Variants in DYNC2H1 observed in about 807,000 individuals in gnomAD.
DYNC2H1 encodes cytoplasmic dynein 2 heavy chain 1.
Under a neutral mutation model 570.0 loss-of-function variants are expected in DYNC2H1, and 410 were observed. The observed-to-expected ratio is 0.72, with a 90% CI of 0.66 to 0.78. The LOEUF (loss-of-function observed/expected upper bound fraction) is 0.78. Ranked by LOEUF, DYNC2H1 falls within the 30% of genes least tolerant of loss-of-function variation. The pLI, the probability that DYNC2H1 is intolerant of heterozygous loss-of-function variation, is 0.00. For synonymous variants in DYNC2H1, 1,688 were observed against 1,677.6 expected, an observed-to-expected ratio of 1.01 and a Z score of -0.15; for missense variants, 4,865 against 5,046.4, an observed-to-expected ratio of 0.96 and a Z score of 1.09.
chr11:103,155,545 T>A (rs1003940245), intron 25 of DYNC2H1, 44 bp downstream of exon 25: 14 of 1,556,374 alleles, frequency 9.0e-6, no homozygotes, highest in South Asian at 3.7e-5. Flanking sequence ...TGGCCTTTTT[T>A]AATATACAAT....
intron 3 of DYNC2H1, 49 bp from the exon 4 acceptor site, chr11:103,115,128 T>C (rs1031416929): frequency 2.9e-6 from 4 of 1,387,094 alleles, no homozygotes; most frequent in Non-Finnish European, 4.0e-6. Context: ...TATTCATTTT[T>C]TTTTCTCTGA....
chr11:103,343,296 C>A (rs558874016), intron 82 of DYNC2H1, among the ~76,000 whole-genome samples: 2 of 152,198 alleles, frequency 1.3e-5, no homozygotes, highest in African/African-American at 4.8e-5. Context: ...ACCCTTGCCT[C>A]ATGGGTCCTA....
At chr11:103,253,195 T>C in intron 65 of DYNC2H1, 90 bp from the exon 66 acceptor site, 1 of 1,335,806 alleles carries the variant, frequency 7.5e-7, no homozygotes, top group East Asian at 2.5e-5. Flanking sequence ...AAAGCCTATA[T>C]TTAGAAGTAC....
At chr11:103,237,160 A>T (rs988369584) in intron 63 of DYNC2H1, among the ~76,000 whole-genome samples, 1 of 151,976 alleles carries the variant, frequency 6.6e-6, no homozygotes, top group African/African-American at 2.4e-5. Context: ...TGGAAATTGG[A>T]AGATGATTTT....
Position 103,369,340 on chromosome 11 carries a change from G to A in DYNC2H1, c.12156+10981G>A, listed in dbSNP as rs2514403. 1.3e-5 allele frequency among the ~76,000 whole-genome samples: 2 copies of A among 152,094 alleles called. No homozygotes were observed. The highest frequency in any genetic ancestry group is 3.9e-4 in the East Asian group (2 of 5,152). On this transcript the variant is annotated intron_variant, in intron 83 of 88. Transcript: ENST00000375735. This position sits in a 1 kb window ranked among gnomAD's most constrained non-coding sequence, Gnocchi z 4.0. ...TCTTGCAAGCCTCACCAAAGCAGGCGGAAGTACTCTGGGGCTCTAAATAAT... is the reference window on the plus strand; with the variant it reads ...TCTTGCAAGCCTCACCAAAGCAGGCAGAAGTACTCTGGGGCTCTAAATAAT...
intron 80 of DYNC2H1, among the ~76,000 whole-genome samples, chr11:103,318,659 G>T (rs576193654): frequency 6.6e-6 from 1 of 152,124 alleles, no homozygotes; most frequent in African/African-American, 2.4e-5. Context: ...CTAGGCCACA[G>T]GTTATGCATT....
At chr11:103,135,429 G>T in intron 15 of DYNC2H1, 66 bp from the exon 16 acceptor site, 1 of 1,340,136 alleles carries the variant, frequency 7.5e-7, no homozygotes, top group South Asian at 2.1e-5. Context: ...TGACATGAAA[G>T]TATTAAATGA....
In DYNC2H1 at chr11:103,128,979, G is replaced by T. The variant is rs892042677; in HGVS notation, c.1927G>T (p.Ala643Ser). The T allele has an allele frequency of 6.2e-7, 1 of 1,604,976 alleles. No individual in the cohort carries two copies. Among genetic ancestry groups the T allele is most frequent in the East Asian group, 2.2e-5 (1 of 44,460 alleles). ...TCAGAGGCCAATGATGTTACAATCT[G>T]CCTTAGCATTTGAACAGATAATTAA... ...QSQRPMMLQS[A>S]LAFEQIIKNS... Residue 643 changes from alanine (A) to serine (S), a missense_variant, in exon 13 of 89, where the codon GCC becomes TCC. Physicochemically the swap from Ala to Ser is moderately conservative, Grantham distance 99. This residue lies in a region of DYNC2H1 where 1,936 missense variants were observed against 1,962.1 expected (regional missense o/e 0.99). Coordinates refer to ENST00000375735, the MANE Select transcript of DYNC2H1 (RefSeq NM_001377.3).
chr11:103,361,797 G>A lies in DYNC2H1; in HGVS notation c.12156+3438G>A, dbSNP rs144924985. ...AAACAAACAAACAAAAACAAAAAAC[G>A]AAAAAAGAACTGAAGACTGTGTTAC... On this transcript the variant is annotated intron_variant, in intron 83 of 88. Transcript: ENST00000375735. 3.8e-3 allele frequency among the ~76,000 whole-genome samples: 578 copies of A among 152,062 alleles called. 4 individuals are homozygous for A. The highest frequency in any genetic ancestry group is 0.013 in the African/African-American group (554 of 41,492).
At chr11:103,173,851 G>T (rs954635279) in intron 35 of DYNC2H1, among the ~76,000 whole-genome samples, 2 of 152,090 alleles carry the variant, frequency 1.3e-5, no homozygotes, top group East Asian at 1.9e-4. Flanking sequence ...GTTCATAAAA[G>T]CTTTATCCTA....
chr11:103,177,870 T>C lies in DYNC2H1; in HGVS notation c.6139+50T>C, dbSNP rs369624647. On this transcript the variant is annotated intron_variant, in intron 38 of 88. Coordinates refer to ENST00000375735, the MANE Select transcript of DYNC2H1 (RefSeq NM_001377.3). This position sits in a 1 kb window ranked among gnomAD's most constrained non-coding sequence, Gnocchi z 4.4. ...GCTTTACTTAGTAATTCTTAGATAA[T>C]GATATAATTTGTCTATAATGCTGTC... 10 of 1,542,130 alleles carry C rather than the reference T, an allele frequency of 6.5e-6. No individual in the cohort carries two copies. The African/African-American group carries it at 1.4e-4, about 22-fold the overall frequency.
In DYNC2H1 at chr11:103,120,576, A is replaced by G. The variant is rs748061468; in HGVS notation, c.1129A>G (p.Thr377Ala). 53 of 1,610,908 alleles carry G rather than the reference A, an allele frequency of 3.3e-5. No homozygotes were observed. The highest frequency in any genetic ancestry group is 4.4e-5 in the Non-Finnish European group (52 of 1,178,640). The change falls in exon 7 of 89, where the codon ACT becomes GCT. Residue 377 changes from threonine (T) to alanine (A), a missense_variant. Thr to Ala is a moderately conservative substitution (Grantham distance 58). Around this residue, in one of 5 missense-constraint regions of DYNC2H1, gnomAD observed 1,936 missense variants for 1,962.1 expected, o/e 0.99. Coordinates refer to ENST00000375735, the MANE Select transcript of DYNC2H1 (RefSeq NM_001377.3). ...GLNPVQYNPY[T>A]EPLWKAAVSQ... Reference sequence around the variant, plus strand: ...GAATCCTGTGCAATATAATCCATATACTGAGGTTGTATATATATTTGTTTA... The same window carrying G: ...GAATCCTGTGCAATATAATCCATATGCTGAGGTTGTATATATATTTGTTTA...
At chr11:103,321,836 A>G (rs1938219268) in intron 81 of DYNC2H1, among the ~76,000 whole-genome samples, 1 of 152,086 alleles carries the variant, frequency 6.6e-6, no homozygotes, top group South Asian at 2.1e-4. Flanking sequence ...TTATTTTGCC[A>G]TAAACCTATC....
chr11:103,120,113 A>G (rs1858621951), intron 6 of DYNC2H1, among the ~76,000 whole-genome samples: 1 of 152,216 alleles, frequency 6.6e-6, no homozygotes, highest in Non-Finnish European at 1.5e-5. Context: ...GGTAGGCTCT[A>G]AAAATTTACT....
At chr11:103,354,250 G>A (rs1189469151) in intron 82 of DYNC2H1, among the ~76,000 whole-genome samples, 3 of 150,320 alleles carry the variant, frequency 2.0e-5, no homozygotes, top group Admixed American at 1.3e-4. Context: ...GTGACCAAGG[G>A]CCTTCTACTC....
At chr11:103,441,374 T>G (rs1175184720) in intron 85 of DYNC2H1, among the ~76,000 whole-genome samples, 1 of 149,860 alleles carries the variant, frequency 6.7e-6, no homozygotes, top group Non-Finnish European at 1.5e-5. Flanking sequence ...CTCCAATACT[T>G]CTTACTCTCT....
At chr11:103,410,237 A>G (rs1440382923) in intron 84 of DYNC2H1, among the ~76,000 whole-genome samples, 1 of 152,090 alleles carries the variant, frequency 6.6e-6, no homozygotes, top group Non-Finnish European at 1.5e-5. Context: ...TGTGTGCTTC[A>G]TGGCCTTATT....
At chr11:103,387,722 C>T (rs533219230) in intron 83 of DYNC2H1, among the ~76,000 whole-genome samples, 1 of 152,302 alleles carries the variant, frequency 6.6e-6, no homozygotes, top group South Asian at 2.1e-4. Context: ...CTATATATGG[C>T]TAGCCAGTTT....
At chr11:103,336,456 C>G (rs879837450) in intron 82 of DYNC2H1, among the ~76,000 whole-genome samples, 2 of 151,808 alleles carry the variant, frequency 1.3e-5, no homozygotes, top group African/African-American at 2.4e-5. Context: ...CCTCCCAACC[C>G]CTATACACAC....
Sources: gnomAD v4.1 joint callset for allele counts (sites outside exome capture counted in the v4.1 genomes callset) on GRCh38, gnomAD v4.1.1 for gene constraint, gnomAD v4.1.1 regional missense constraint, Gnocchi (gnomAD v3.1) non-coding constraint, MANE v1.5 for transcripts, NCBI Gene and HGNC (gene_info 2026-07-23, HGNC 2026-07-21) for gene names.